The following CHD2 variants were observed in gnomAD, a reference collection of about 807,000 sequenced individuals.
CHD2 encodes the protein ATP-dependent chromatin remodeler CHD2.
CHD2 carries 28 observed loss-of-function variants against 243.9 expected under a neutral mutation model. The ratio of observed to expected loss-of-function variants is 0.11; its 90% CI spans 0.09 to 0.16. The LOEUF (loss-of-function observed/expected upper bound fraction) is 0.16, where lower values mean the gene tolerates loss of function less well. CHD2 is among the 10% of genes least tolerant of loss of function. The pLI, the probability that CHD2 is intolerant of heterozygous loss-of-function variation, is 1.00. For missense variants in CHD2, 1,386 were observed against 2,209.8 expected (o/e 0.63, Z 7.47); for synonymous variants, 775 against 779.0 (o/e 0.99, Z 0.09).
rs139149362 is a variant in CHD2 at position 92,949,048 on chromosome 15, C to T, written c.1474C>T (p.Leu492=). ...LELRDYQLEG[L]NWLAHSWCKN... ...ACTTCGAGATTATCAGCTAGAAGGT[C>T]TAAACTGGCTAGCTCATTCCTGGTG... Residue 492 remains leucine (L), a synonymous_variant, in exon 13 of 39, where the codon CTA becomes TTA. Coordinates refer to ENST00000394196, the MANE Select transcript of CHD2 (RefSeq NM_001271.4). 2.5e-5 allele frequency: 41 copies of T among 1,613,710 alleles called. No homozygotes were observed. Among genetic ancestry groups the T allele is most frequent in the African/African-American group, 1.3e-5 (1 of 74,878 alleles).
chr15:92,901,434 G>C (rs2052527788), intron 2 of CHD2, 135 bp downstream of exon 2: 1 of 656,098 alleles, frequency 1.5e-6, no homozygotes, highest in Non-Finnish European at 2.7e-6. Context: ...GTTTTTTAAA[G>C]CATGACCTTG....
intron 13 of CHD2, among the ~76,000 whole-genome samples, chr15:92,949,386 A>G (rs972028006): frequency 1.3e-5 from 2 of 152,220 alleles, no homozygotes; most frequent in Admixed American, 6.5e-5. Flanking sequence ...AAGTCACTCA[A>G]ATCTTTAATG....
intron 5 of CHD2, 108 bp downstream of exon 5, chr15:92,929,199 C>T (rs776812152): frequency 5.0e-6 from 5 of 999,018 alleles, no homozygotes; most frequent in Non-Finnish European, 6.0e-6. Context: ...CCTTAGTCTG[C>T]TTCTGTCTCT....
In CHD2 at chr15:92,984,467, T is replaced by C; in HGVS notation, c.3204T>C (p.Tyr1068=). ...GGCAGAAGGAGCTAGAAGAAATTTA[T>C]ATGCTGCCTCGAATTCGGAGTTCCA... ...EERQKELEEI[Y]MLPRIRSSTK... Residue 1068 remains tyrosine, a synonymous_variant, in exon 25 of 39, where the codon TAT becomes TAC. Transcript: ENST00000394196. 1 of 1,611,434 alleles carries C rather than the reference T, an allele frequency of 6.2e-7. No individual in the cohort carries two copies. The highest frequency in any genetic ancestry group is 8.5e-7 in the Non-Finnish European group (1 of 1,178,832).
intron 19 of CHD2, among the ~76,000 whole-genome samples, 153 bp downstream of exon 19, chr15:92,972,570 GGCCGGGCGC>G (rs2053855437): frequency 1.2e-5 from 1 of 82,264 alleles, no homozygotes; most frequent in African/African-American, 3.3e-5. Flanking sequence ...GATTCCAGGG[GGCCGGGCGC>G]GGTGGCTCAC....
chr15:92,992,901 G>C lies in CHD2; in HGVS notation c.3498G>C (p.Ser1166=), dbSNP rs771724712. The change falls in exon 28 of 39, where the codon TCG becomes TCC. Residue 1166 remains serine, a synonymous_variant. Coordinates refer to ENST00000394196, the MANE Select transcript of CHD2 (RefSeq NM_001271.4). ...IARDAELVDK[S]VADLKRLGEL... ...GTGATGCTGAGCTGGTAGATAAGTC[G>C]GTGGCAGATCTGAAGCGCCTGGGTG... 2 of 1,614,076 alleles carry C rather than the reference G, an allele frequency of 1.2e-6. No homozygotes were observed. The highest frequency in any genetic ancestry group is 1.7e-6 in the Non-Finnish European group (2 of 1,180,008).
intron 2 of CHD2, among the ~76,000 whole-genome samples, chr15:92,917,924 G>A (rs992950308): frequency 1.3e-5 from 2 of 152,234 alleles, no homozygotes; most frequent in African/African-American, 4.8e-5. Flanking sequence ...CTGGAAATAA[G>A]TTTTATGGAA....
intron 2 of CHD2, among the ~76,000 whole-genome samples, chr15:92,922,848 A>G (rs575527076): frequency 2.6e-5 from 4 of 152,182 alleles, no homozygotes; most frequent in African/African-American, 9.6e-5. Flanking sequence ...CCATTAGAGG[A>G]AGATGAGGAT....
chr15:92,904,432 G>C (rs1278977856), intron 2 of CHD2: 1 of 987,618 alleles, frequency 1.0e-6, no homozygotes, highest in South Asian at 4.6e-5. Flanking sequence ...AGTGACGTCT[G>C]GCCGCGTGCG....
In CHD2 at chr15:93,024,486, G is replaced by C. The variant is rs201950393; in HGVS notation, c.5268G>C (p.Gln1756His). Reference sequence around the variant, plus strand: ...GCCCCGCTATGGGCTACCATGGCCAGGGACCCTCAGACCATTACCGCTCTT... The same window carrying C: ...GCCCCGCTATGGGCTACCATGGCCACGGACCCTCAGACCATTACCGCTCTT... Reference protein sequence around the residue: ...DHRPAMGYHGQGPSDHYRSFH... With the variant: ...DHRPAMGYHGHGPSDHYRSFH... Residue 1756 changes from glutamine (Q) to histidine (H), a missense_variant, in exon 39 of 39, where the codon CAG becomes CAC. By Grantham distance (24) the Gln-to-His change is conservative. Around this residue, in one of 19 missense-constraint regions of CHD2, gnomAD observed 347 missense variants for 341.6 expected, o/e 1.02. Transcript: ENST00000394196. 1,004 of 1,614,170 alleles carry C rather than the reference G, an allele frequency of 6.2e-4. 1 individual carries two copies. The highest frequency in any genetic ancestry group is 7.9e-4 in the Non-Finnish European group (927 of 1,180,036).
rs539510177 is a variant in CHD2, at chr15:92,914,686, T to C, written c.63-9635T>C. ...ATAAGCAGCATTTTGTGTGCACTTT[T>C]TCTTATACATGTACCTTTTTCTGCT... is the stretch of plus-strand genomic sequence containing the variant. On this transcript the variant is annotated intron_variant, in intron 2 of 38. Transcript: ENST00000394196. 2.0e-5 allele frequency among the ~76,000 whole-genome samples: 3 copies of C among 152,378 alleles called. No homozygotes were observed. In the South Asian group the frequency reaches 6.2e-4, roughly 32 times the overall value.
intron 36 of CHD2, among the ~76,000 whole-genome samples, chr15:93,014,405 C>CA (rs779663412): frequency 5.9e-5 from 9 of 152,174 alleles, no homozygotes; most frequent in Admixed American, 2.0e-4. Flanking sequence ...AGAGTGCCGC[C>CA]AGCCTGGGCG....
In CHD2 at chr15:93,020,273, G is replaced by T. The variant is rs771462711; in HGVS notation, c.5153+15G>T. The stretch of plus-strand genomic sequence containing the variant: ...TATTATGACAGGTATGCAAAAGGCT[G>T]TGAGACACCAGGTGCCAACCTTTGC... On this transcript the variant is annotated intron_variant, in intron 38 of 38. Transcript: ENST00000394196. 2 of 1,613,962 alleles carry T rather than the reference G, an allele frequency of 1.2e-6. No homozygotes were observed. The highest frequency in any genetic ancestry group is 3.3e-5 in the Admixed American group (2 of 60,004).
chr15:93,008,993 C>T (rs1198365427), intron 34 of CHD2, 152 bp from the exon 35 acceptor site: 4 of 807,578 alleles, frequency 5.0e-6, no homozygotes, highest in Non-Finnish European at 7.7e-6. Context: ...TGAATACTTA[C>T]ACTTACTCCA....
intron 31 of CHD2, among the ~76,000 whole-genome samples, chr15:92,999,352 A>G (rs554841243): frequency 7.9e-5 from 12 of 152,178 alleles, no homozygotes; most frequent in African/African-American, 2.9e-4. Context: ...CCCAGAGATA[A>G]AATGGACAGT....
chr15:92,939,948 C>G (rs1448320223), intron 7 of CHD2, among the ~76,000 whole-genome samples: 1 of 152,180 alleles, frequency 6.6e-6, no homozygotes, highest in East Asian at 1.9e-4. Flanking sequence ...TCCTAAAAAA[C>G]ACCACAAGTT....
At chr15:93,020,293 C>G in intron 38 of CHD2, 35 bp downstream of exon 38, 1 of 1,613,498 alleles carries the variant, frequency 6.2e-7, no homozygotes, top group Non-Finnish European at 8.5e-7. Context: ...AGGTGCCAAC[C>G]TTTGCCAGGA....
chr15:92,943,115 G>T, intron 9 of CHD2, 47 bp downstream of exon 9: 1 of 1,471,294 alleles, frequency 6.8e-7, no homozygotes, highest in Middle Eastern at 1.7e-4. Context: ...CAGCCTGAAA[G>T]AAGGGAAGGT....
intron 2 of CHD2, among the ~76,000 whole-genome samples, chr15:92,913,778 A>G (rs570891205): frequency 6.6e-6 from 1 of 152,258 alleles, no homozygotes; most frequent in African/African-American, 2.4e-5. Context: ...CTTGAGTCCA[A>G]GAGCTTGCGG....
Sources: allele counts gnomAD v4.1 joint callset (sites outside exome capture counted in the v4.1 genomes callset), GRCh38; gene constraint gnomAD v4.1.1; regional missense constraint gnomAD v4.1.1; transcripts MANE v1.5; gene names NCBI Gene and HGNC (gene_info 2026-07-23, HGNC 2026-07-21).